Variants in TERF1 observed in about 807,000 individuals in gnomAD.
TERF1 encodes telomeric repeat-binding factor 1.
TERF1 carries 20 observed loss-of-function variants against 55.1 expected under a neutral mutation model. That is an observed-to-expected ratio of 0.36 (90% CI 0.26 to 0.53). The LOEUF is 0.53. TERF1 is among the 20% of genes least tolerant of loss of function. TERF1 has a pLI of 0.91. For synonymous variants in TERF1, 168 were observed against 181.2 expected (o/e 0.93, Z 0.59); for missense variants, 439 against 535.7 (o/e 0.82, Z 1.78).
At chr8:73,014,061 C>CA in intron 2 of TERF1, 71 bp downstream of exon 2, 1 of 1,343,810 alleles carries the variant, frequency 7.4e-7, no homozygotes, top group Non-Finnish European at 1.1e-6. Context: ...TGGGAAGAAA[C>CA]AGACGTTTTT....
At chr8:73,038,811 C>G (rs959353046) in intron 8 of TERF1, 2 of 823,072 alleles carry the variant, frequency 2.4e-6, no homozygotes, top group Admixed American at 1.2e-4. Context: ...AAAATTTCAA[C>G]GATCCTATGC....
At chr8:73,018,667 C>T (rs755370295) in intron 2 of TERF1, among the ~76,000 whole-genome samples, 36 of 152,182 alleles carry the variant, frequency 2.4e-4, no homozygotes, top group Non-Finnish European at 4.7e-4. Context: ...AAGAGCAAAG[C>T]ACTGCCTCAA....
intron 2 of TERF1, among the ~76,000 whole-genome samples, chr8:73,014,821 G>T (rs920966981): frequency 1.3e-5 from 2 of 152,166 alleles, no homozygotes; most frequent in Non-Finnish European, 1.5e-5. Flanking sequence ...GCTTTGTTTG[G>T]GGGGTGAGGG....
intron 8 of TERF1, among the ~76,000 whole-genome samples, chr8:73,038,064 GTAGA>G (rs540855911): frequency 1.4e-3 from 215 of 149,270 alleles, no homozygotes; most frequent in African/African-American, 4.7e-3. Context: ...AAGTAGATAG[GTAGA>G]TAGATAGATA....
At chr8:73,023,321 G>A (rs892615777) in intron 4 of TERF1, among the ~76,000 whole-genome samples, 3 of 152,298 alleles carry the variant, frequency 2.0e-5, no homozygotes, top group Admixed American at 2.0e-4. Flanking sequence ...AGCCATTCAG[G>A]CAAATATGTA....
intron 1 of TERF1, 94 bp downstream of exon 1, chr8:73,009,299 G>A (rs112760903): frequency 7.6e-7 from 1 of 1,319,288 alleles, no homozygotes; most frequent in Non-Finnish European, 1.0e-6. Flanking sequence ...CGTCGCCGAG[G>A]GAGGGGCTGC....
intron 5 of TERF1, 78 bp from the exon 6 acceptor site, chr8:73,026,862 G>A (rs1387702597): frequency 9.3e-7 from 1 of 1,075,674 alleles, no homozygotes; most frequent in African/African-American, 1.6e-5. Context: ...GAATTACAAG[G>A]CTTAATTTAA....
At chr8:73,039,040 A>G (rs1809721604) in intron 8 of TERF1, 76 bp from the exon 9 acceptor site, 2 of 1,038,246 alleles carry the variant, frequency 1.9e-6, no homozygotes, top group East Asian at 2.7e-5. Flanking sequence ...GAATTTCATT[A>G]TAATCATTAA....
intron 9 of TERF1, among the ~76,000 whole-genome samples, chr8:73,041,994 CCT>C (rs1171501541): frequency 6.6e-6 from 1 of 151,988 alleles, no homozygotes; most frequent in East Asian, 1.9e-4. Context: ...TCTCAATCTG[CCT>C]CTCTCTCTCT....
chr8:73,022,925 C>T (rs1048070232), intron 4 of TERF1, among the ~76,000 whole-genome samples: 8 of 152,160 alleles, frequency 5.3e-5, no homozygotes, highest in African/African-American at 1.9e-4. Flanking sequence ...GAGAGAGACG[C>T]TGTCTCTAAA....
chr8:73,028,568 C>A (rs1809125931), intron 6 of TERF1, among the ~76,000 whole-genome samples: 1 of 136,974 alleles, frequency 7.3e-6, no homozygotes, highest in South Asian at 2.3e-4. Context: ...CTTACGTAGA[C>A]CCATTTTTTT....
intron 7 of TERF1, chr8:73,030,669 A>G: frequency 3.6e-6 from 1 of 279,768 alleles, no homozygotes; most frequent in Non-Finnish European, 6.6e-6. Flanking sequence ...TGTTTAGTAA[A>G]CACTTCTCTG....
intron 9 of TERF1, among the ~76,000 whole-genome samples, chr8:73,040,885 T>A (rs1809807203): frequency 6.6e-6 from 1 of 152,224 alleles, no homozygotes; most frequent in Non-Finnish European, 1.5e-5. Context: ...AATCTGCTTA[T>A]GAGCCCATCA....
Position 73,020,698 on chromosome 8 carries a change from AATG to A in TERF1, c.435_437del (p.Asp145del), listed in dbSNP as rs1421026813. The A allele has an allele frequency of 6.2e-7, 1 of 1,600,100 alleles. No individual in the cohort carries two copies. The highest frequency in any genetic ancestry group is 2.2e-5 in the East Asian group (1 of 44,660). On this transcript the variant is annotated inframe_deletion, in exon 3 of 10. Transcript: ENST00000276603. ...GTTTTTAAAAGATGCACAGTTTGAAAATGATGAACGAATTACACCCTTGGAATC... is the reference window on the plus strand; with the variant it reads ...GTTTTTAAAAGATGCACAGTTTGAAAATGAACGAATTACACCCTTGGAATC...
Position 73,027,012 on chromosome 8 carries a change from G to A in TERF1, c.847G>A (p.Val283Ile). ...TCAAGATAAACCTAGTGGTAATGAT[G>A]TTGAAATGGAAACTGAAGCTAATTT... ...TSQDKPSGNDVEMETEANLDT... is the reference protein window; with the variant it reads ...TSQDKPSGNDIEMETEANLDT... The change falls in exon 6 of 10, where the codon GTT becomes ATT. Residue 283 changes from valine to isoleucine, a missense_variant. By Grantham distance (29) the Val-to-Ile change is conservative. This residue lies in a region of TERF1 where 140 missense variants were observed against 158.6 expected (regional missense o/e 0.88). Coordinates refer to ENST00000276603, the MANE Select transcript of TERF1 (RefSeq NM_017489.3). 2 of 1,612,492 alleles carry A rather than the reference G, an allele frequency of 1.2e-6. No homozygotes were observed.
At chr8:73,038,061 T>A (rs1251004387) in intron 8 of TERF1, among the ~76,000 whole-genome samples, 1 of 149,176 alleles carries the variant, frequency 6.7e-6, no homozygotes, top group Admixed American at 6.9e-5. Flanking sequence ...GGTAAGTAGA[T>A]AGGTAGATAG....
At chr8:73,034,614 A>G (rs1809431045) in intron 8 of TERF1, among the ~76,000 whole-genome samples, 1 of 152,062 alleles carries the variant, frequency 6.6e-6, no homozygotes, top group African/African-American at 2.4e-5. Flanking sequence ...ATGCTTAGGG[A>G]AAAAAAATCA....
At chr8:73,031,828 G>T in intron 7 of TERF1, 1 of 353,846 alleles carries the variant, frequency 2.8e-6, no homozygotes. Context: ...CTTGATTTCT[G>T]CGGAGTAGAT....
intron 8 of TERF1, among the ~76,000 whole-genome samples, chr8:73,033,861 A>C (rs986915749): frequency 6.6e-6 from 1 of 152,216 alleles, no homozygotes; most frequent in Non-Finnish European, 1.5e-5. Context: ...TTCTTAAAAA[A>C]ATTCAGTGTA....
Sources: gnomAD v4.1 joint callset for allele counts (sites outside exome capture counted in the v4.1 genomes callset) on GRCh38, gnomAD v4.1.1 for gene constraint, gnomAD v4.1.1 regional missense constraint, MANE v1.5 for transcripts, NCBI Gene and HGNC (gene_info 2026-07-23, HGNC 2026-07-21) for gene names.